TNR: variants seen among roughly 807,000 people sequenced by gnomAD.
TNR encodes tenascin R.
Under a neutral mutation model 150.4 loss-of-function variants are expected in TNR, and 45 were observed. That is an observed-to-expected ratio of 0.30 (90% CI 0.24 to 0.38). The LOEUF is 0.38. Ranked by LOEUF, TNR falls within the 10% of genes least tolerant of loss-of-function variation. The pLI is 1.00. For synonymous variants in TNR, 687 were observed against 678.4 expected, an observed-to-expected ratio of 1.01 and a Z score of -0.20; for missense variants, 1,544 against 1,759.1, an observed-to-expected ratio of 0.88 and a Z score of 2.19.
chr1:175,318,617 G>A lies in TNR; in HGVS notation c.*4740C>T, dbSNP rs1648907556. 1 of 152,254 alleles carries A rather than the reference G, an allele frequency of 6.6e-6. No homozygotes were observed. Among genetic ancestry groups the A allele is most frequent in the Non-Finnish European group, 1.5e-5 (1 of 68,080 alleles). 9.4% of individuals were successfully genotyped at this position (152,254 alleles called of 1,614,324 possible). A position where few individuals can be genotyped will look rare whatever the true frequency, so the allele number is the denominator to read the frequency against. ...CACATATGTGTAGGATTGGGTTATG[G>A]AAGAAGCAAAGGTTTGAGGAGGCAT... On this transcript the variant is annotated 3_prime_UTR_variant, in exon 23 of 23. Coordinates refer to ENST00000367674, the MANE Select transcript of TNR (RefSeq NM_003285.3).
intron 1 of TNR, among the ~76,000 whole-genome samples, chr1:175,564,136 C>T (rs1173447674): frequency 3.9e-5 from 6 of 152,264 alleles, no homozygotes; most frequent in African/African-American, 1.4e-4. Context: ...AGCCAAATTG[C>T]AGAAATCCCA....
intron 1 of TNR, among the ~76,000 whole-genome samples, chr1:175,728,232 G>A (rs1667533910): frequency 6.6e-6 from 1 of 152,174 alleles, no homozygotes; most frequent in Non-Finnish European, 1.5e-5. Context: ...CTAAAAAGAG[G>A]CAAGGTCAGA....
intron 2 of TNR, among the ~76,000 whole-genome samples, chr1:175,527,929 T>C (rs1646900831): frequency 6.6e-6 from 1 of 152,272 alleles, no homozygotes; most frequent in East Asian, 1.9e-4. Flanking sequence ...CACTGATTCA[T>C]GCGGGCCCAG....
At chr1:175,424,983 G>A (rs903843887) in intron 2 of TNR, among the ~76,000 whole-genome samples, 1 of 152,120 alleles carries the variant, frequency 6.6e-6, no homozygotes, top group Non-Finnish European at 1.5e-5. Context: ...GACCTGGGGG[G>A]CCTGGGGAGG....
At chr1:175,614,467 C>T (rs113859235) in intron 1 of TNR, among the ~76,000 whole-genome samples, 115 of 152,324 alleles carry the variant, frequency 7.5e-4, no homozygotes, top group African/African-American at 2.6e-3. Context: ...GAAGTCCCTG[C>T]TCTGTCTCAC....
At chr1:175,600,985 G>A (rs565638617) in intron 1 of TNR, among the ~76,000 whole-genome samples, 23 of 152,308 alleles carry the variant, frequency 1.5e-4, no homozygotes, top group African/African-American at 4.8e-4. Context: ...AGCTTTTGCA[G>A]CATTTGTTTA....
At chr1:175,595,555 T>C (rs1376179838) in intron 1 of TNR, among the ~76,000 whole-genome samples, 9 of 152,242 alleles carry the variant, frequency 5.9e-5, no homozygotes. Context: ...TTGCATTGAC[T>C]TAGTTGGCTT....
chr1:175,472,264 CAT>C (rs1201897203), intron 2 of TNR, among the ~76,000 whole-genome samples: 4 of 152,160 alleles, frequency 2.6e-5, no homozygotes, highest in South Asian at 2.1e-4. Context: ...GGAGCAATAA[CAT>C]GTGTGGAGTT....
intron 1 of TNR, among the ~76,000 whole-genome samples, chr1:175,573,486 G>A (rs900913094): frequency 1.3e-5 from 2 of 152,208 alleles, no homozygotes; most frequent in Admixed American, 6.5e-5. Flanking sequence ...AGTAACTGGA[G>A]AGTAGCTTGT....
At chr1:175,405,799 T>C (rs967382035) in intron 3 of TNR, among the ~76,000 whole-genome samples, 1 of 152,182 alleles carries the variant, frequency 6.6e-6, no homozygotes. Flanking sequence ...GTCTGCATTC[T>C]CTAGTCCCTC....
At chr1:175,406,111 G>A (rs545470316) in intron 3 of TNR, 105 bp downstream of exon 3, 577 of 1,452,272 alleles carry the variant, frequency 4.0e-4, no homozygotes, top group Non-Finnish European at 5.1e-4. Context: ...TTTGCTGGGA[G>A]TGCGTTTTCG....
intron 8 of TNR, among the ~76,000 whole-genome samples, chr1:175,383,393 G>A (rs1006935495): frequency 1.3e-5 from 2 of 152,204 alleles, no homozygotes; most frequent in South Asian, 4.1e-4. Flanking sequence ...AACATTGAGG[G>A]ATCTGCTTAA....
At position 175,323,061 on chromosome 1, in the gene TNR, C is replaced by T. The variant is rs767695038; in HGVS notation, c.*296G>A. ...TGTCACCATAACAATCTGCACCCCA[C>T]GACTTGGCTTTGAATTGGCCCTTTA... On this transcript the variant is annotated 3_prime_UTR_variant, in exon 23 of 23. Transcript: ENST00000367674. The T allele has an allele frequency of 3.3e-5, 9 of 269,582 alleles. No homozygotes were observed. Among genetic ancestry groups the T allele is most frequent in the African/African-American group, 1.3e-4 (6 of 45,278 alleles). The allele number at this position is 269,582 out of a possible 1,614,324, so 16.7% of individuals were successfully genotyped here.
chr1:175,579,366 A>T (rs1271959638), intron 1 of TNR, among the ~76,000 whole-genome samples: 1 of 152,154 alleles, frequency 6.6e-6, no homozygotes, highest in East Asian at 1.9e-4. Context: ...AGGCAGGAAG[A>T]CAAGCTTGCT....
chr1:175,725,127 A>G (rs1002415665), intron 1 of TNR, among the ~76,000 whole-genome samples: 1 of 152,200 alleles, frequency 6.6e-6, no homozygotes, highest in Non-Finnish European at 1.5e-5. Flanking sequence ...TGAGACCATC[A>G]ATGGAAGTGT....
chr1:175,364,255 T>A (rs750962449), intron 12 of TNR, among the ~76,000 whole-genome samples: 1 of 152,162 alleles, frequency 6.6e-6, no homozygotes. Flanking sequence ...GCCTATTGAC[T>A]ATACAGGGAT....
chr1:175,538,311 C>T (rs897486639), intron 1 of TNR, among the ~76,000 whole-genome samples: 3 of 152,102 alleles, frequency 2.0e-5, no homozygotes, highest in African/African-American at 7.2e-5. Context: ...AGAGTCTCAA[C>T]TTAGCAGAAC....
chr1:175,450,228 C>T (rs1656240290), intron 2 of TNR, among the ~76,000 whole-genome samples: 1 of 152,164 alleles, frequency 6.6e-6, no homozygotes, highest in South Asian at 2.1e-4. Context: ...TCATTTGGTG[C>T]CAGGAAAGAT....
chr1:175,670,720 T>G (rs937827691), intron 1 of TNR, among the ~76,000 whole-genome samples: 1 of 152,126 alleles, frequency 6.6e-6, no homozygotes, highest in Non-Finnish European at 1.5e-5. Flanking sequence ...GGAAAGAGCA[T>G]GACATTTTCA....
Sources: gnomAD v4.1 joint callset for allele counts (sites outside exome capture counted in the v4.1 genomes callset) on GRCh38, gnomAD v4.1.1 for gene constraint, MANE v1.5 for transcripts, NCBI Gene and HGNC (gene_info 2026-07-23, HGNC 2026-07-21) for gene names.